SUSD5: variants seen among roughly 807,000 people sequenced by gnomAD.
SUSD5 encodes sushi domain-containing protein 5.
Under a neutral mutation model 29.5 loss-of-function variants are expected in SUSD5, and 33 were observed. The ratio of observed to expected loss-of-function variants is 1.12; its 90% confidence interval spans 0.85 to 1.49. The LOEUF is 1.49. SUSD5 is among the 40% of genes most tolerant of loss of function. The pLI is 0.00. For missense variants in SUSD5, 776 were observed against 800.6 expected, an observed-to-expected ratio of 0.97 and a Z score of 0.37; for synonymous variants, 308 against 325.3, an observed-to-expected ratio of 0.95 and a Z score of 0.57.
intron 2 of SUSD5, among the ~76,000 whole-genome samples, chr3:33,208,632 T>C (rs962303782): frequency 5.3e-5 from 8 of 152,258 alleles, no homozygotes; most frequent in African/African-American, 1.9e-4. Context: ...TTCTTCTTCT[T>C]TTTTGGGGCA....
intron 3 of SUSD5, among the ~76,000 whole-genome samples, chr3:33,193,892 A>G (rs951478942): frequency 6.6e-6 from 1 of 152,060 alleles, no homozygotes; most frequent in Admixed American, 6.6e-5. Context: ...CCCCCCCACC[A>G]CTTGCCTGGG....
At chr3:33,207,494 A>G (rs995257440) in intron 3 of SUSD5, among the ~76,000 whole-genome samples, 4 of 152,194 alleles carry the variant, frequency 2.6e-5, no homozygotes, top group African/African-American at 9.7e-5. Flanking sequence ...TAACTACTCC[A>G]GCTCCCTCAC....
At chr3:33,190,797 G>A (rs1298400511) in intron 3 of SUSD5, among the ~76,000 whole-genome samples, 2 of 152,092 alleles carry the variant, frequency 1.3e-5, no homozygotes, top group Non-Finnish European at 2.9e-5. Context: ...CCCCTCCCCA[G>A]GAATTTCATT....
chr3:33,217,691 T>C (rs2032449276), intron 1 of SUSD5, among the ~76,000 whole-genome samples: 1 of 141,394 alleles, frequency 7.1e-6, no homozygotes, highest in Admixed American at 7.0e-5. Flanking sequence ...ACAACCATGC[T>C]TTTTTTTTTT....
At chr3:33,191,073 GTT>G (rs1406971512) in intron 3 of SUSD5, among the ~76,000 whole-genome samples, 1 of 151,452 alleles carries the variant, frequency 6.6e-6, no homozygotes, top group East Asian at 1.9e-4. Context: ...ATCTTACTGG[GTT>G]TTGGGTATTT....
At chr3:33,188,069 A>G (rs1375880209) in intron 3 of SUSD5, among the ~76,000 whole-genome samples, 4 of 152,190 alleles carry the variant, frequency 2.6e-5, no homozygotes, top group Non-Finnish European at 5.9e-5. Flanking sequence ...TCTGTCTATC[A>G]ACCAAATGTT....
rs1400463515 is a variant in SUSD5, at chr3:33,150,361, A to C, written c.*2381T>G. On this transcript the variant is annotated 3_prime_UTR_variant, in exon 5 of 5. Coordinates refer to ENST00000309558, the MANE Select transcript of SUSD5 (RefSeq NM_015551.2). ...TAATACACTGTATTAATAATTTGTA[A>C]TAAATTTATTAATACACTGTATTAA... is the stretch of plus-strand genomic sequence containing the variant. 2 of 152,158 alleles carry C rather than the reference A, an allele frequency of 1.3e-5. No homozygotes were observed. Among genetic ancestry groups the C allele is most frequent in the Non-Finnish European group, 2.9e-5 (2 of 68,026 alleles). The allele number at this position is 152,158 out of a possible 1,614,324, so 9.4% of individuals were successfully genotyped here.
At chr3:33,209,697 G>A (rs2032287508) in intron 2 of SUSD5, among the ~76,000 whole-genome samples, 1 of 141,778 alleles carries the variant, frequency 7.1e-6, no homozygotes, top group Non-Finnish European at 1.5e-5. Flanking sequence ...TTTGCAACAA[G>A]GTCTCACTAT....
intron 3 of SUSD5, among the ~76,000 whole-genome samples, chr3:33,189,368 C>G (rs2031843831): frequency 1.3e-5 from 2 of 150,050 alleles, no homozygotes; most frequent in South Asian, 4.3e-4. Context: ...GTCCCAGCTA[C>G]TCGGGGACTG....
At chr3:33,213,781 A>G (rs1361802881) in intron 2 of SUSD5, 147 bp downstream of exon 2, 1 of 923,790 alleles carries the variant, frequency 1.1e-6, no homozygotes, top group Admixed American at 3.4e-5. Context: ...CTCAAACAAA[A>G]CAAAACAAAA....
intron 3 of SUSD5, among the ~76,000 whole-genome samples, chr3:33,175,872 C>T (rs1345190229): frequency 6.6e-6 from 1 of 152,150 alleles, no homozygotes; most frequent in African/African-American, 2.4e-5. Flanking sequence ...TAACTTACCT[C>T]AAGGTTACCA....
chr3:33,183,207 G>C (rs2125623706), intron 3 of SUSD5, among the ~76,000 whole-genome samples: 1 of 152,148 alleles, frequency 6.6e-6, no homozygotes, highest in East Asian at 1.9e-4. Flanking sequence ...CTTTTAATTA[G>C]TGTATCTAGA....
At chr3:33,199,992 C>G (rs1363278805) in intron 3 of SUSD5, among the ~76,000 whole-genome samples, 1 of 152,182 alleles carries the variant, frequency 6.6e-6, no homozygotes, top group Non-Finnish European at 1.5e-5. Flanking sequence ...TGATATTGGA[C>G]TCATCAACCT....
chr3:33,192,123 G>T (rs1039026008), intron 3 of SUSD5, among the ~76,000 whole-genome samples: 8 of 151,236 alleles, frequency 5.3e-5, no homozygotes, highest in Non-Finnish European at 1.2e-4. Flanking sequence ...GCCTGGACTA[G>T]AGTACAGTGG....
In SUSD5 at chr3:33,206,418, T is replaced by A. The variant is rs1192739808; in HGVS notation, c.409+1390A>T. On this transcript the variant is annotated intron_variant, in intron 3 of 4. Coordinates refer to ENST00000309558, the MANE Select transcript of SUSD5 (RefSeq NM_015551.2). ...AAAATAAAAAATTTACTTGAGTGTG[T>A]GTGTGTGTGTGTGTGTGTGTGTGTG... Among the ~76,000 whole-genome samples the A allele has an allele frequency of 6.2e-4, 8 of 12,902 alleles. No individual in the cohort carries two copies. The South Asian group carries it at 0.015, about 24-fold the overall frequency. The allele number at this position is 12,902 out of a possible 152,430, so 8.5% of individuals were successfully genotyped here.
At chr3:33,154,993 G>T (rs1575526197) in intron 4 of SUSD5, among the ~76,000 whole-genome samples, 2 of 152,220 alleles carry the variant, frequency 1.3e-5, no homozygotes, top group East Asian at 3.8e-4. Flanking sequence ...AAAAGAAAAA[G>T]CCGGAAGACA....
chr3:33,197,558 C>A (rs1388006700), intron 3 of SUSD5, among the ~76,000 whole-genome samples: 1 of 152,118 alleles, frequency 6.6e-6, no homozygotes, highest in Non-Finnish European at 1.5e-5. Context: ...ACCACCACCA[C>A]CACAACAATC....
intron 4 of SUSD5, among the ~76,000 whole-genome samples, chr3:33,162,914 T>G (rs1225991051): frequency 1.5e-5 from 1 of 64,816 alleles, no homozygotes; most frequent in Admixed American, 1.9e-4. Context: ...CAAAACTCCA[T>G]CTCAAAAAAA....
intron 3 of SUSD5, among the ~76,000 whole-genome samples, chr3:33,176,162 T>C (rs186865521): frequency 2.6e-5 from 4 of 152,358 alleles, no homozygotes; most frequent in Admixed American, 2.0e-4. Flanking sequence ...CCATGTCTTC[T>C]TATGGCTTGA....
Sources: allele counts gnomAD v4.1 joint callset (sites outside exome capture counted in the v4.1 genomes callset), GRCh38; gene constraint gnomAD v4.1.1; transcripts MANE v1.5; gene names NCBI Gene and HGNC (gene_info 2026-07-23, HGNC 2026-07-21).